NRTN: variants seen among roughly 807,000 people sequenced by gnomAD.
NRTN encodes neurturin.
NRTN carries 3 observed loss-of-function variants against 7.5 expected under a neutral mutation model. The ratio of observed to expected loss-of-function variants is 0.40; its 90% CI spans 0.18 to 1.03. The LOEUF is 1.03. Ranked by LOEUF, NRTN falls within the 50% of genes least tolerant of loss-of-function variation. NRTN has a pLI of 0.34. For missense variants in NRTN, 310 were observed against 307.0 expected, an observed-to-expected ratio of 1.01 and a Z score of -0.07; for synonymous variants, 157 against 146.6, an observed-to-expected ratio of 1.07 and a Z score of -0.51.
chr19:5,815,044 TCC>T (rs1599635581), intron 1 of NRTN, among the ~76,000 whole-genome samples: 1 of 152,140 alleles, frequency 6.6e-6, no homozygotes, highest in East Asian at 1.9e-4. Flanking sequence ...CCCTCCTGAG[TCC>T]CCCGGCCCCA....
intron 2 of NRTN, among the ~76,000 whole-genome samples, chr19:5,826,610 G>A (rs1415975666): frequency 6.6e-6 from 1 of 152,150 alleles, no homozygotes; most frequent in Non-Finnish European, 1.5e-5. Flanking sequence ...AGCCCGGGGG[G>A]CAGGTGGGGA....
chr19:5,809,046 C>T (rs1011358725), intron 1 of NRTN, among the ~76,000 whole-genome samples: 4 of 150,016 alleles, frequency 2.7e-5, no homozygotes, highest in African/African-American at 9.8e-5. Flanking sequence ...TGAGCCACTG[C>T]GCCCGTCCAA....
intron 2 of NRTN, among the ~76,000 whole-genome samples, chr19:5,826,590 C>T (rs1342417642): frequency 6.6e-6 from 1 of 152,200 alleles, no homozygotes; most frequent in African/African-American, 2.4e-5. Flanking sequence ...TTTTGACAGC[C>T]AGGTGCACCA....
At chr19:5,814,255 C>T (rs1171417897) in intron 1 of NRTN, among the ~76,000 whole-genome samples, 1 of 152,156 alleles carries the variant, frequency 6.6e-6, no homozygotes, top group Non-Finnish European at 1.5e-5. Flanking sequence ...AGACACCACG[C>T]TTACAGGGCT....
rs2057056970 is a variant in NRTN at position 5,828,228 on chromosome 19, T to C, written c.*55T>C. ...ACTCCCCCCGCCTCGACGGCACCACTGGCCGGCCCCGCGAAAGACTGCGCG... is the reference window on the plus strand; with the variant it reads ...ACTCCCCCCGCCTCGACGGCACCACCGGCCGGCCCCGCGAAAGACTGCGCG... On this transcript the variant is annotated 3_prime_UTR_variant, in exon 3 of 3. Transcript: ENST00000303212. 6.6e-7 allele frequency: 1 copy of C among 1,516,288 alleles called. No individual in the cohort carries two copies. Among genetic ancestry groups the C allele is most frequent in the South Asian group, 1.2e-5 (1 of 82,786 alleles). The allele number at this position is 1,516,288 out of a possible 1,614,324, so 93.9% of individuals were successfully genotyped here.
At chr19:5,827,676 A>G (rs1294376201) in intron 2 of NRTN, 73 bp from the exon 3 acceptor site, 1 of 646,834 alleles carries the variant, frequency 1.5e-6, no homozygotes, top group Non-Finnish European at 2.0e-6. Flanking sequence ...GCAGGGGTAC[A>G]GAGAGGGTAG....
intron 1 of NRTN, among the ~76,000 whole-genome samples, chr19:5,820,121 C>A (rs988762479): frequency 2.7e-5 from 4 of 147,938 alleles, no homozygotes; most frequent in African/African-American, 7.8e-5. Context: ...AAAAATTTAG[C>A]TGGGCGTGGT....
rs1325152937 is a variant in NRTN at position 5,823,751 on chromosome 19, TC to T, written c.-398-12del. On this transcript the variant is annotated splice_polypyrimidine_tract_variant and intron_variant, in intron 1 of 2. Transcript: ENST00000303212. ...GAATGACCTCTCCTCCTTTCACTCT[TC>T]CCCCTGGCTCCTCAGCTGCAGCCGC... 1 of 329,184 alleles carries T rather than the reference TC, an allele frequency of 3.0e-6. No individual in the cohort carries two copies. The highest frequency in any genetic ancestry group is 5.8e-6 in the Non-Finnish European group (1 of 171,678). The allele number at this position is 329,184 out of a possible 1,614,324, so 20.4% of individuals were successfully genotyped here.
chr19:5,814,423 G>C (rs1197755655), intron 1 of NRTN, among the ~76,000 whole-genome samples: 2 of 152,192 alleles, frequency 1.3e-5, no homozygotes. Flanking sequence ...GATTAGAAGA[G>C]ATGCCTACAT....
chr19:5,805,703 A>G (rs1458807032), intron 1 of NRTN, among the ~76,000 whole-genome samples: 31 of 151,988 alleles, frequency 2.0e-4, no homozygotes. Context: ...TCCCTGTCCG[A>G]CGGGGCGGGC....
At chr19:5,814,153 C>T (rs1297271443) in intron 1 of NRTN, among the ~76,000 whole-genome samples, 3 of 152,128 alleles carry the variant, frequency 2.0e-5, no homozygotes, top group African/African-American at 7.2e-5. Flanking sequence ...CCTCTGTAAA[C>T]TGAATTCTCA....
intron 1 of NRTN, among the ~76,000 whole-genome samples, chr19:5,807,424 A>C (rs1599632920): frequency 6.6e-6 from 1 of 152,268 alleles, no homozygotes; most frequent in East Asian, 1.9e-4. Flanking sequence ...CTGGGGCCTC[A>C]AGGTGGAGGT....
At chr19:5,814,545 C>T (rs1048779109) in intron 1 of NRTN, among the ~76,000 whole-genome samples, 1 of 152,150 alleles carries the variant, frequency 6.6e-6, no homozygotes, top group Non-Finnish European at 1.5e-5. Context: ...CGGCAGGTGT[C>T]CCCTGGGGAG....
intron 1 of NRTN, among the ~76,000 whole-genome samples, chr19:5,821,682 G>A (rs899932211): frequency 3.9e-5 from 6 of 152,078 alleles, no homozygotes; most frequent in African/African-American, 1.4e-4. Context: ...CTGAGCCACT[G>A]AACCAGCTGG....
intron 2 of NRTN, among the ~76,000 whole-genome samples, chr19:5,825,193 T>C (rs1045386281): frequency 2.0e-5 from 3 of 151,972 alleles, no homozygotes; most frequent in African/African-American, 4.8e-5. Flanking sequence ...AGTGCTGCTA[T>C]AGGGACACAG....
intron 1 of NRTN, among the ~76,000 whole-genome samples, chr19:5,823,035 AAGAG>A (rs35933326): frequency 1.8e-4 from 27 of 149,642 alleles, no homozygotes; most frequent in African/African-American, 2.2e-4. Context: ...AAAAAAAAGA[AAGAG>A]AGAGAGAGAA....
At chr19:5,819,919 CTG>C (rs1039217200) in intron 1 of NRTN, among the ~76,000 whole-genome samples, 1 of 151,788 alleles carries the variant, frequency 6.6e-6, no homozygotes, top group African/African-American at 2.4e-5. Flanking sequence ...ATGACTATAT[CTG>C]TGTTAAGTTT....
intron 1 of NRTN, among the ~76,000 whole-genome samples, chr19:5,809,956 T>C (rs1367680014): frequency 6.6e-6 from 1 of 152,098 alleles, no homozygotes; most frequent in African/African-American, 2.4e-5. Context: ...CAGACACTTG[T>C]TACTTTTAAT....
intron 1 of NRTN, among the ~76,000 whole-genome samples, chr19:5,818,891 C>T (rs1041631327): frequency 1.9e-4 from 29 of 152,056 alleles, no homozygotes; most frequent in Admixed American, 5.9e-4. Context: ...AATGGCCCCC[C>T]GATTTCCTGC....
Sources: gnomAD v4.1 joint callset for allele counts (sites outside exome capture counted in the v4.1 genomes callset) on GRCh38, gnomAD v4.1.1 for gene constraint, MANE v1.5 for transcripts, NCBI Gene and HGNC (gene_info 2026-07-23, HGNC 2026-07-21) for gene names.